Variants in KIAA0513 observed in about 807,000 individuals in gnomAD.
KIAA0513 encodes the protein uncharacterized protein KIAA0513.
Under a neutral mutation model 56.5 loss-of-function variants are expected in KIAA0513, and 39 were observed. That is an observed-to-expected ratio of 0.69 (90% CI 0.53 to 0.90). The LOEUF is 0.90. Among genes scored for constraint, KIAA0513 ranks in the 40% least tolerant of loss-of-function variants. The pLI, the probability that KIAA0513 is intolerant of heterozygous loss-of-function variation, is 0.00. For missense variants in KIAA0513, 591 were observed against 535.2 expected, an observed-to-expected ratio of 1.10 and a Z score of -1.03; for synonymous variants, 268 against 215.6, an observed-to-expected ratio of 1.24 and a Z score of -2.13.
At chr16:85,043,442 C>T (rs986242768) in intron 1 of KIAA0513, among the ~76,000 whole-genome samples, 61 of 132,250 alleles carry the variant, frequency 4.6e-4, no homozygotes, top group African/African-American at 1.6e-3. Flanking sequence ...GACAGAGTCT[C>T]GCTCCATCAC....
chr16:85,066,730 A>G (rs768025268), intron 1 of KIAA0513, 170 bp from the exon 2 acceptor site: 20 of 250,932 alleles, frequency 8.0e-5, no homozygotes, highest in Non-Finnish European at 1.4e-4. Flanking sequence ...TTTATTGAGG[A>G]CCTACCATGG....
chr16:85,074,872 CT>C (rs1376145098), intron 4 of KIAA0513, among the ~76,000 whole-genome samples: 1 of 151,928 alleles, frequency 6.6e-6, no homozygotes. Flanking sequence ...TTCTTTCTTT[CT>C]TTTTTTTAAT....
intron 10 of KIAA0513, among the ~76,000 whole-genome samples, chr16:85,085,748 C>T (rs542391749): frequency 2.0e-4 from 30 of 152,192 alleles, no homozygotes; most frequent in Non-Finnish European, 3.5e-4. Context: ...ACAGCACTCC[C>T]GTCTAAAGCA....
chr16:85,086,957 T>A, intron 11 of KIAA0513, 115 bp from the exon 12 acceptor site: 1 of 1,037,476 alleles, frequency 9.6e-7, no homozygotes. Context: ...TGCGTTTTAG[T>A]TTCTGCTGAC....
At chr16:85,063,425 C>G (rs1263402552) in intron 1 of KIAA0513, 1 of 152,248 alleles carries the variant, frequency 6.6e-6, no homozygotes, top group Non-Finnish European at 1.5e-5. Context: ...GCCACCACGC[C>G]CGGCTGATTT....
In KIAA0513 at chr16:85,067,470, C is replaced by T. The variant is rs955273932; in HGVS notation, c.329+70C>T. On this transcript the variant is annotated intron_variant, in intron 2 of 12. Transcript: ENST00000683363. Reference sequence around the variant, plus strand: ...CCCAAGGGGACTCGCCTCCTGCTCTCGGCTCTGCCTCTCCCCAGGGTGCCA... The same window carrying T: ...CCCAAGGGGACTCGCCTCCTGCTCTTGGCTCTGCCTCTCCCCAGGGTGCCA... 7.5e-5 allele frequency: 95 copies of T among 1,264,080 alleles called. No homozygotes were observed. The Middle Eastern group carries it at 1.2e-3, about 15-fold the overall frequency. The allele number at this position is 1,264,080 out of a possible 1,614,324, so 78.3% of individuals were successfully genotyped here.
intron 1 of KIAA0513, among the ~76,000 whole-genome samples, chr16:85,028,124 C>T (rs1371318837): frequency 6.6e-6 from 1 of 152,148 alleles, no homozygotes; most frequent in African/African-American, 2.4e-5. Flanking sequence ...AGCCCACGGG[C>T]GGAGGGGCAG....
chr16:85,051,442 G>A (rs1216887060), intron 1 of KIAA0513, among the ~76,000 whole-genome samples: 1 of 152,166 alleles, frequency 6.6e-6, no homozygotes, highest in Non-Finnish European at 1.5e-5. Context: ...AACCCTAGAG[G>A]TTCAATGGCC....
intron 1 of KIAA0513, among the ~76,000 whole-genome samples, chr16:85,039,356 G>A (rs2073076291): frequency 6.6e-6 from 1 of 152,254 alleles, no homozygotes; most frequent in African/African-American, 2.4e-5. Flanking sequence ...AGGCTGGAGT[G>A]CAGTTGCACG....
At chr16:85,060,122 G>A (rs541294485) in intron 1 of KIAA0513, among the ~76,000 whole-genome samples, 3 of 152,146 alleles carry the variant, frequency 2.0e-5, no homozygotes, top group Non-Finnish European at 4.4e-5. Flanking sequence ...CACCAGGCCT[G>A]GCTAATTTTT....
At chr16:85,035,850 G>A (rs1167909524) in intron 1 of KIAA0513, among the ~76,000 whole-genome samples, 6 of 152,118 alleles carry the variant, frequency 3.9e-5, no homozygotes, top group African/African-American at 1.2e-4. Context: ...GCTTGGTGGC[G>A]GGTGCTCGTA....
intron 1 of KIAA0513, among the ~76,000 whole-genome samples, chr16:85,031,929 C>G (rs1474218801): frequency 6.6e-6 from 1 of 152,160 alleles, no homozygotes. Flanking sequence ...GCTAGCGGAC[C>G]ACTGGGCAAG....
chr16:85,080,216 T>G (rs955931554), intron 8 of KIAA0513, among the ~76,000 whole-genome samples: 1 of 152,196 alleles, frequency 6.6e-6, no homozygotes, highest in African/African-American at 2.4e-5. Flanking sequence ...TCCCGCTGTC[T>G]GGTGATTCAG....
intron 12 of KIAA0513, among the ~76,000 whole-genome samples, chr16:85,087,667 G>T (rs942467531): frequency 6.6e-6 from 1 of 152,178 alleles, no homozygotes; most frequent in African/African-American, 2.4e-5. Context: ...CCTTGCTGGG[G>T]GCCCGTCCCT....
chr16:85,049,536 C>G (rs568772651), intron 1 of KIAA0513, among the ~76,000 whole-genome samples: 61 of 152,322 alleles, frequency 4.0e-4, no homozygotes, highest in African/African-American at 1.4e-3. Context: ...CCCCTTGGCA[C>G]TGTCCTCGAG....
chr16:85,067,714 C>A (rs955558470), intron 2 of KIAA0513, among the ~76,000 whole-genome samples: 1 of 152,216 alleles, frequency 6.6e-6, no homozygotes. Flanking sequence ...TGCAGAGAAT[C>A]CCTGGAGGGA....
intron 1 of KIAA0513, among the ~76,000 whole-genome samples, chr16:85,045,730 G>T (rs1187557415): frequency 6.6e-6 from 1 of 152,186 alleles, no homozygotes; most frequent in Non-Finnish European, 1.5e-5. Context: ...GTGGTCCTAA[G>T]TTGTCATCAG....
intron 1 of KIAA0513, among the ~76,000 whole-genome samples, chr16:85,065,970 A>C (rs2073475596): frequency 6.6e-6 from 1 of 152,226 alleles, no homozygotes; most frequent in African/African-American, 2.4e-5. Context: ...AGCACACGAC[A>C]CACATGCACG....
chr16:85,031,151 G>C (rs1479924494), intron 1 of KIAA0513, among the ~76,000 whole-genome samples: 1 of 152,158 alleles, frequency 6.6e-6, no homozygotes, highest in African/African-American at 2.4e-5. Context: ...GAGGCCCAAG[G>C]TTCCAAGAAC....
Sources: allele counts gnomAD v4.1 joint callset (sites outside exome capture counted in the v4.1 genomes callset), GRCh38; gene constraint gnomAD v4.1.1; transcripts MANE v1.5; gene names NCBI Gene and HGNC (gene_info 2026-07-23, HGNC 2026-07-21).